Variants in FBXL13 observed in about 807,000 individuals in gnomAD.
FBXL13 encodes the protein F-box and leucine rich repeat protein 13, also known as F-box and leucine-rich repeat protein 13.
A neutral mutation model predicts 83.6 loss-of-function variants in FBXL13; 67 were observed. The observed-to-expected ratio is 0.80, with a 90% CI of 0.66 to 0.98. The LOEUF is 0.98. FBXL13 is among the 50% of genes least tolerant of loss of function. FBXL13 has a pLI of 0.00. For synonymous variants in FBXL13, 272 were observed against 299.5 expected (o/e 0.91, Z 0.95); for missense variants, 822 against 866.5 (o/e 0.95, Z 0.64).
intron 10 of FBXL13, among the ~76,000 whole-genome samples, chr7:102,914,285 C>A (rs1457906907): frequency 6.6e-6 from 1 of 152,200 alleles, no homozygotes; most frequent in Non-Finnish European, 1.5e-5. Flanking sequence ...GTTGGCCAGG[C>A]TGGCCTCGAA....
At chr7:102,959,631 A>G (rs1309251297) in intron 8 of FBXL13, among the ~76,000 whole-genome samples, 1 of 152,066 alleles carries the variant, frequency 6.6e-6, no homozygotes, top group Non-Finnish European at 1.5e-5. Context: ...TGGAGTCAAT[A>G]TGAATGTATA....
intron 6 of FBXL13, among the ~76,000 whole-genome samples, chr7:102,971,616 T>C (rs1049560857): frequency 7.1e-6 from 1 of 141,210 alleles, no homozygotes; most frequent in African/African-American, 2.6e-5. Context: ...AAAAAAGACA[T>C]TTTTTGCCAG....
rs574752903 is a variant in FBXL13 at position 102,897,917 on chromosome 7, T to C, written c.1009-13605A>G. Among the ~76,000 whole-genome samples, 7 of 152,288 alleles carry C rather than the reference T, an allele frequency of 4.6e-5. No individual in the cohort carries two copies. In the South Asian group the frequency reaches 1.5e-3, roughly 32 times the overall value. On this transcript the variant is annotated intron_variant, in intron 11 of 19. Coordinates refer to ENST00000313221, the Ensembl canonical transcript of FBXL13. ...AATATTTATCAGCATAAAAACCCAC[T>C]CCAAGTTTGAATGCTGTTCTCCCAC...
intron 9 of FBXL13, among the ~76,000 whole-genome samples, chr7:102,926,668 T>G (rs1818201766): frequency 6.6e-6 from 1 of 152,150 alleles, no homozygotes; most frequent in South Asian, 2.1e-4. Flanking sequence ...TCACACGAAA[T>G]TTGAGCTCAC....
At chr7:102,917,844 G>A (rs1158916718) in intron 10 of FBXL13, among the ~76,000 whole-genome samples, 1 of 152,184 alleles carries the variant, frequency 6.6e-6, no homozygotes, top group African/African-American at 2.4e-5. Context: ...CCTAGGTTGT[G>A]ACAATAGGAA....
intron 9 of FBXL13, among the ~76,000 whole-genome samples, chr7:102,926,732 A>G (rs1179360320): frequency 6.6e-6 from 1 of 152,212 alleles, no homozygotes; most frequent in Non-Finnish European, 1.5e-5. Flanking sequence ...GCAATTAAAA[A>G]CTGATCCATT....
chr7:102,815,606 G>A (rs1364099267), intron 19 of FBXL13, among the ~76,000 whole-genome samples: 2 of 152,036 alleles, frequency 1.3e-5, no homozygotes, highest in Non-Finnish European at 2.9e-5. Context: ...TGTAGTACAA[G>A]AGTAGCACAG....
intron 15 of FBXL13, 119 bp from the exon 17 acceptor site, chr7:102,877,712 T>G: frequency 9.6e-7 from 1 of 1,039,210 alleles, no homozygotes. Flanking sequence ...TTTCCTTTAC[T>G]CAACATAAAA....
chr7:103,012,281 A>G (rs1791721722), intron 6 of FBXL13, among the ~76,000 whole-genome samples: 1 of 151,058 alleles, frequency 6.6e-6, no homozygotes. Context: ...AGGCTAAGGC[A>G]GGAGAATCGC....
chr7:102,991,244 G>A (rs543576156), intron 6 of FBXL13, among the ~76,000 whole-genome samples: 1 of 152,344 alleles, frequency 6.6e-6, no homozygotes, highest in South Asian at 2.1e-4. Context: ...CAGCTGAGTA[G>A]ATGATAGTGC....
intron 7 of FBXL13, among the ~76,000 whole-genome samples, chr7:102,965,227 T>A (rs1404386818): frequency 6.6e-6 from 1 of 152,138 alleles, no homozygotes; most frequent in Admixed American, 6.5e-5. Flanking sequence ...AGTTGATAAT[T>A]AAGAGCACAC....
At chr7:103,028,529 C>A (rs1794175923) in intron 4 of FBXL13, 71 bp downstream of exon 5, 3 of 1,133,184 alleles carry the variant, frequency 2.6e-6, no homozygotes, top group African/African-American at 3.2e-5. Flanking sequence ...CCAAAGTATG[C>A]TTAACTGTTA....
At chr7:102,907,617 A>G (rs1302859781) in intron 11 of FBXL13, among the ~76,000 whole-genome samples, 1 of 152,126 alleles carries the variant, frequency 6.6e-6, no homozygotes, top group African/African-American at 2.4e-5. Context: ...GATGGTTCCC[A>G]GCTTCATCCA....
intron 17 of FBXL13, among the ~76,000 whole-genome samples, chr7:102,852,927 G>A (rs1299029428): frequency 6.6e-6 from 1 of 152,150 alleles, no homozygotes; most frequent in Admixed American, 6.6e-5. Context: ...TGCAAAATCG[G>A]GGAACTAACC....
exon 17 of FBXL13, chr7:102,854,798 T>C (rs1291624248): frequency 2.6e-5 from 42 of 1,587,516 alleles, no homozygotes; most frequent in Non-Finnish European, 3.4e-5. Flanking sequence ...CATCAGTGAT[T>C]CTATAACATT....
chr7:103,067,325 G>T (rs985908626), intron 1 of FBXL13, among the ~76,000 whole-genome samples: 1 of 152,126 alleles, frequency 6.6e-6, no homozygotes, highest in Non-Finnish European at 1.5e-5. Flanking sequence ...GGAGATAATC[G>T]TATTTGAAAG....
chr7:102,817,941 A>AT (rs979859891), intron 19 of FBXL13, among the ~76,000 whole-genome samples: 15 of 152,186 alleles, frequency 9.9e-5, no homozygotes, highest in Non-Finnish European at 2.1e-4. Flanking sequence ...TAGAACAGTG[A>AT]TTTTCAAACA....
At chr7:102,959,103 C>T (rs1824760594) in intron 8 of FBXL13, among the ~76,000 whole-genome samples, 1 of 152,028 alleles carries the variant, frequency 6.6e-6, no homozygotes, top group Admixed American at 6.6e-5. Flanking sequence ...CCAGATATGA[C>T]AGTCTACCTA....
At chr7:102,921,901 T>C (rs1433663424) in intron 10 of FBXL13, among the ~76,000 whole-genome samples, 1 of 151,592 alleles carries the variant, frequency 6.6e-6, no homozygotes, top group Non-Finnish European at 1.5e-5. Flanking sequence ...TAAATATCAC[T>C]GGGTCAAGTC....
Sources: allele counts gnomAD v4.1 joint callset (sites outside exome capture counted in the v4.1 genomes callset), GRCh38; gene constraint gnomAD v4.1.1; transcripts MANE v1.5; gene names NCBI Gene and HGNC (gene_info 2026-07-23, HGNC 2026-07-21).